ARHGAP28: variants seen among roughly 807,000 people sequenced by gnomAD.
The protein encoded by ARHGAP28 is rho GTPase-activating protein 28.
Under a neutral mutation model 90.7 loss-of-function variants are expected in ARHGAP28, and 56 were observed. That is an observed-to-expected ratio of 0.62 (90% CI 0.50 to 0.77). The LOEUF (loss-of-function observed/expected upper bound fraction) is 0.77. Ranked by LOEUF, ARHGAP28 falls within the 30% of genes least tolerant of loss-of-function variation. The pLI is 0.00. For synonymous variants in ARHGAP28, 308 were observed against 323.3 expected, an observed-to-expected ratio of 0.95 and a Z score of 0.51; for missense variants, 869 against 900.9, an observed-to-expected ratio of 0.96 and a Z score of 0.45.
intron 16 of ARHGAP28, among the ~76,000 whole-genome samples, chr18:6,901,734 A>G (rs1468935783): frequency 6.6e-6 from 1 of 152,182 alleles, no homozygotes; most frequent in Non-Finnish European, 1.5e-5. Flanking sequence ...AGAGCAGTCT[A>G]AGGAGACCTG....
chr18:6,876,981 C>CACT (rs1483513198), intron 10 of ARHGAP28, among the ~76,000 whole-genome samples: 1 of 152,178 alleles, frequency 6.6e-6, no homozygotes, highest in Non-Finnish European at 1.5e-5. Flanking sequence ...GTGGTTGGAT[C>CACT]ACTCCCTGTC....
intron 3 of ARHGAP28, among the ~76,000 whole-genome samples, chr18:6,844,908 A>T (rs937822580): frequency 6.6e-6 from 1 of 152,226 alleles, no homozygotes; most frequent in Non-Finnish European, 1.5e-5. Context: ...CTTTAATAAC[A>T]AAAATAACAA....
intron 12 of ARHGAP28, 141 bp downstream of exon 12, chr18:6,887,380 A>C: frequency 1.5e-6 from 1 of 662,494 alleles, no homozygotes; most frequent in South Asian, 1.7e-5. Flanking sequence ...CTGTGCTCCC[A>C]CTGCCCTTCT....
rs1428238283 is a variant in ARHGAP28 at position 6,913,237 on chromosome 18, C to CA, written c.*1085dup. 2.0e-5 allele frequency: 3 copies of CA among 152,188 alleles called. No homozygotes were observed. Among genetic ancestry groups the CA allele is most frequent in the African/African-American group, 7.2e-5 (3 of 41,450 alleles). 9.4% of individuals were successfully genotyped at this position (152,188 alleles called of 1,614,324 possible). On this transcript the variant is annotated 3_prime_UTR_variant, in exon 18 of 18. Coordinates refer to ENST00000383472, the MANE Select transcript of ARHGAP28 (RefSeq NM_001366230.1). ...GGTAAGATGACCACTGTCTCACTAT[C>CA]AAGAGCCTGCAGAGCCATTTTCCAG...
At chr18:6,775,404 T>A (rs776805792) in intron 1 of ARHGAP28, among the ~76,000 whole-genome samples, 1 of 152,254 alleles carries the variant, frequency 6.6e-6, no homozygotes, top group Non-Finnish European at 1.5e-5. Flanking sequence ...AAGTCAAGTC[T>A]TCTTTGACTC....
intron 5 of ARHGAP28, among the ~76,000 whole-genome samples, chr18:6,865,619 A>T (rs1204563567): frequency 6.6e-6 from 1 of 152,228 alleles, no homozygotes; most frequent in Non-Finnish European, 1.5e-5. Context: ...GTTTTGAGTC[A>T]GTGAAATTTT....
chr18:6,828,478 CTT>C (rs2056692039), intron 2 of ARHGAP28, among the ~76,000 whole-genome samples: 2 of 152,180 alleles, frequency 1.3e-5, no homozygotes, highest in South Asian at 4.1e-4. Context: ...CCTTTGGGAA[CTT>C]GGCCAAAAAT....
intron 7 of ARHGAP28, among the ~76,000 whole-genome samples, 199 bp downstream of exon 7, chr18:6,870,931 G>T (rs1210157510): frequency 2.6e-5 from 4 of 152,084 alleles, no homozygotes; most frequent in Non-Finnish European, 5.9e-5. Flanking sequence ...CTCCCGAGTA[G>T]CTGGGACTAC....
chr18:6,785,742 T>C (rs1308192522), intron 1 of ARHGAP28, among the ~76,000 whole-genome samples: 1 of 152,228 alleles, frequency 6.6e-6, no homozygotes, highest in Non-Finnish European at 1.5e-5. Flanking sequence ...TAAATGAGTT[T>C]CCATGTAGAT....
Position 6,912,739 on chromosome 18 carries a change from T to C in ARHGAP28, c.*585T>C, listed in dbSNP as rs2057405525. On this transcript the variant is annotated 3_prime_UTR_variant, in exon 18 of 18. Coordinates refer to ENST00000383472, the MANE Select transcript of ARHGAP28 (RefSeq NM_001366230.1). ...CTGTTTACAGAAAACTGTATTGTTA[T>C]ATATGTCAGGCTGTGTATTGTGACT... is the stretch of plus-strand genomic sequence containing the variant. 6.6e-6 allele frequency: 1 copy of C among 152,258 alleles called. No individual in the cohort carries two copies. The highest frequency in any genetic ancestry group is 1.5e-5 in the Non-Finnish European group (1 of 68,058). The allele number at this position is 152,258 out of a possible 1,614,324, so 9.4% of individuals were successfully genotyped here. A position where few individuals can be genotyped will look rare whatever the true frequency, so the allele number is the denominator to read the frequency against.
intron 16 of ARHGAP28, 143 bp downstream of exon 16, chr18:6,896,769 A>T (rs2057307742): frequency 1.0e-6 from 1 of 975,628 alleles, no homozygotes; most frequent in Admixed American, 2.9e-5. Context: ...TTACGAGAAT[A>T]AAAAGAGAAT....
chr18:6,836,276 G>A (rs2056752914), intron 2 of ARHGAP28: 1 of 152,468 alleles, frequency 6.6e-6, no homozygotes, highest in African/African-American at 2.4e-5. Flanking sequence ...CAATGGGAAG[G>A]GGCAGCCATC....
At chr18:6,848,601 C>T (rs944753416) in intron 3 of ARHGAP28, among the ~76,000 whole-genome samples, 1 of 152,132 alleles carries the variant, frequency 6.6e-6, no homozygotes, top group African/African-American at 2.4e-5. Flanking sequence ...AACAGTTGGC[C>T]TTTGAGTGGA....
chr18:6,872,482 G>A (rs938336111), intron 7 of ARHGAP28, among the ~76,000 whole-genome samples: 1 of 152,170 alleles, frequency 6.6e-6, no homozygotes, highest in Non-Finnish European at 1.5e-5. Flanking sequence ...CCCCAAGGAA[G>A]CTCCAGTTTA....
intron 3 of ARHGAP28, among the ~76,000 whole-genome samples, chr18:6,840,732 G>A (rs1485933072): frequency 6.6e-6 from 1 of 152,162 alleles, no homozygotes; most frequent in Admixed American, 6.5e-5. Context: ...GGGGACTAAG[G>A]AAGTGGGTGG....
At chr18:6,879,987 C>T (rs1178206622) in intron 10 of ARHGAP28, among the ~76,000 whole-genome samples, 6 of 152,138 alleles carry the variant, frequency 3.9e-5, no homozygotes, top group South Asian at 2.1e-4. Flanking sequence ...CAGGTTAGGA[C>T]GGCCACATTT....
intron 2 of ARHGAP28, among the ~76,000 whole-genome samples, chr18:6,826,117 G>GTTTTTTTTTTT (rs35995654): frequency 2.9e-5 from 4 of 138,504 alleles, no homozygotes; most frequent in Non-Finnish European, 4.6e-5. Context: ...CATTGCCAGT[G>GTTTTTTTTTTT]TTTTTTTTTT....
intron 5 of ARHGAP28, among the ~76,000 whole-genome samples, chr18:6,867,480 C>T (rs989910382): frequency 2.6e-5 from 4 of 152,112 alleles, no homozygotes; most frequent in African/African-American, 9.7e-5. Flanking sequence ...TAAATTTTTA[C>T]TGATACCCAT....
chr18:6,907,809 C>T (rs1288971752), intron 16 of ARHGAP28, among the ~76,000 whole-genome samples: 2 of 152,260 alleles, frequency 1.3e-5, no homozygotes, highest in African/African-American at 4.8e-5. Context: ...TGAGAGAAAT[C>T]GGTGTAGGGT....
Sources: gnomAD v4.1 joint callset for allele counts (sites outside exome capture counted in the v4.1 genomes callset) on GRCh38, gnomAD v4.1.1 for gene constraint, MANE v1.5 for transcripts, NCBI Gene and HGNC (gene_info 2026-07-23, HGNC 2026-07-21) for gene names.